Variants in SMOC1 observed in about 807,000 individuals in gnomAD.
The protein encoded by SMOC1 is SPARC-related modular calcium-binding protein 1.
SMOC1 carries 22 observed loss-of-function variants against 56.3 expected under a neutral mutation model. That is an observed-to-expected ratio of 0.39 (90% CI 0.28 to 0.56). The LOEUF (loss-of-function observed/expected upper bound fraction) is 0.56, where lower values mean the gene tolerates loss of function less well. Among genes scored for constraint, SMOC1 ranks in the 20% least tolerant of loss-of-function variants. The pLI is 0.61. For missense variants in SMOC1, 509 were observed against 565.4 expected, an observed-to-expected ratio of 0.90 and a Z score of 1.01; for synonymous variants, 193 against 215.0, an observed-to-expected ratio of 0.90 and a Z score of 0.89.
intron 1 of SMOC1, among the ~76,000 whole-genome samples, chr14:69,886,683 C>T (rs1883818941): frequency 6.6e-6 from 1 of 152,126 alleles, no homozygotes; most frequent in South Asian, 2.1e-4. Flanking sequence ...TTTGACTAGC[C>T]CATCCCAGCA....
chr14:69,992,380 G>A (rs375535414), intron 5 of SMOC1, 37 bp from the exon 6 acceptor site: 1 of 1,610,948 alleles, frequency 6.2e-7, no homozygotes, highest in African/African-American at 1.3e-5. Context: ...CTCAATAATG[G>A]TAGTCTCCTT....
intron 5 of SMOC1, among the ~76,000 whole-genome samples, chr14:69,988,787 T>C (rs1337704354): frequency 6.6e-6 from 1 of 152,250 alleles, no homozygotes; most frequent in African/African-American, 2.4e-5. Context: ...TTCATATAGA[T>C]GGAATCATAC....
chr14:69,899,649 G>C (rs902669054), intron 1 of SMOC1, among the ~76,000 whole-genome samples: 1 of 152,176 alleles, frequency 6.6e-6, no homozygotes, highest in African/African-American at 2.4e-5. Context: ...AAATGGCAAG[G>C]AGATTTTTCT....
intron 1 of SMOC1, among the ~76,000 whole-genome samples, chr14:69,938,040 C>A (rs182283204): frequency 6.6e-6 from 1 of 152,152 alleles, no homozygotes; most frequent in Admixed American, 6.5e-5. Context: ...AGCATTTCTT[C>A]CTCTGTTATC....
At chr14:69,941,769 T>G (rs1033595546) in intron 1 of SMOC1, among the ~76,000 whole-genome samples, 3 of 152,364 alleles carry the variant, frequency 2.0e-5, no homozygotes, top group African/African-American at 7.2e-5. Flanking sequence ...GAAATTACTT[T>G]GCTTGTGTAC....
chr14:69,976,017 A>G (rs992064785), intron 4 of SMOC1, among the ~76,000 whole-genome samples: 1 of 152,174 alleles, frequency 6.6e-6, no homozygotes, highest in Non-Finnish European at 1.5e-5. Flanking sequence ...GTGTGTATTT[A>G]TGGATTTTGA....
intron 3 of SMOC1, among the ~76,000 whole-genome samples, chr14:69,964,529 C>G (rs950371286): frequency 2.0e-5 from 3 of 152,046 alleles, no homozygotes; most frequent in Non-Finnish European, 4.4e-5. Context: ...AGGTGCCCAC[C>G]ACCACGCCCG....
chr14:69,906,815 GC>G (rs1566668560), intron 1 of SMOC1, among the ~76,000 whole-genome samples: 1 of 152,176 alleles, frequency 6.6e-6, no homozygotes, highest in Non-Finnish European at 1.5e-5. Flanking sequence ...CATCATGAAG[GC>G]CAAAGATTGC....
At chr14:69,987,032 C>T (rs192733646) in intron 5 of SMOC1, among the ~76,000 whole-genome samples, 1 of 152,282 alleles carries the variant, frequency 6.6e-6, no homozygotes, top group Admixed American at 6.5e-5. Flanking sequence ...AGGGCAGGCT[C>T]TTAAGGGACT....
In SMOC1 at chr14:70,009,101, G is replaced by A. The variant is rs139351636; in HGVS notation, c.665-1653G>A. Among the ~76,000 whole-genome samples the A allele has an allele frequency of 9.9e-5, 15 of 152,264 alleles. 1 individual carries two copies. In the East Asian group the frequency reaches 2.9e-3, roughly 29 times the overall value. ...CTCTTCCTCTAGCCAAGGAGACTCT[G>A]TTTAGCTTTTCTATATTTGCATTAT... On this transcript the variant is annotated intron_variant, in intron 7 of 11. Transcript: ENST00000361956.
intron 11 of SMOC1, among the ~76,000 whole-genome samples, chr14:70,024,623 T>C (rs1445405955): frequency 6.6e-6 from 1 of 151,630 alleles, no homozygotes. Flanking sequence ...CCAAGGCAAA[T>C]GAGGAGTGAA....
chr14:69,930,437 C>T (rs1223993547), intron 1 of SMOC1, among the ~76,000 whole-genome samples: 1 of 152,176 alleles, frequency 6.6e-6, no homozygotes. Context: ...TTTTGTGCAA[C>T]ATTATGTTTA....
chr14:69,934,063 T>C (rs528789257), intron 1 of SMOC1, among the ~76,000 whole-genome samples: 1 of 152,316 alleles, frequency 6.6e-6, no homozygotes, highest in African/African-American at 2.4e-5. Flanking sequence ...TTCCCTGCCT[T>C]AACAGATGAG....
chr14:70,030,903 G>T lies in SMOC1; in HGVS notation c.*645G>T, dbSNP rs1045715506. 6.6e-6 allele frequency: 1 copy of T among 152,302 alleles called. No homozygotes were observed. The highest frequency in any genetic ancestry group is 6.5e-5 in the Admixed American group (1 of 15,280). 9.4% of individuals were successfully genotyped at this position (152,302 alleles called of 1,614,324 possible). On this transcript the variant is annotated 3_prime_UTR_variant, in exon 12 of 12. Transcript: ENST00000361956. ...GTCACTTGGCTCTCGGCCTTGTCCA[G>T]GGAGGTTGGGCTAAGGAGAGATGGA...
In SMOC1 at chr14:70,005,794, AT is replaced by A. The variant is rs746077514; in HGVS notation, c.665-4957del. On this transcript the variant is annotated intron_variant, in intron 7 of 11. Transcript: ENST00000361956. Reference sequence around the variant, plus strand: ...TGTGAGTGTGTATGTGTGGCCATGCATTTCCATGCCCCCCTGGACAGCCCTG... The same window carrying A: ...TGTGAGTGTGTATGTGTGGCCATGCATTCCATGCCCCCCTGGACAGCCCTG... Among the ~76,000 whole-genome samples, 5 of 152,172 alleles carry A rather than the reference AT, an allele frequency of 3.3e-5. No homozygotes were observed. In the East Asian group the frequency reaches 9.7e-4, roughly 29 times the overall value.
At chr14:69,972,825 A>G (rs1048853019) in intron 3 of SMOC1, among the ~76,000 whole-genome samples, 3 of 152,206 alleles carry the variant, frequency 2.0e-5, no homozygotes, top group African/African-American at 7.2e-5. Flanking sequence ...CACTCTGTGC[A>G]TGCTTGAGAG....
chr14:69,952,918 G>A (rs958967148), intron 2 of SMOC1, among the ~76,000 whole-genome samples: 4 of 152,090 alleles, frequency 2.6e-5, no homozygotes, highest in African/African-American at 7.2e-5. Context: ...TCTCATATCC[G>A]GCTGGTTTCT....
chr14:69,931,892 T>C (rs1885174290), intron 1 of SMOC1, among the ~76,000 whole-genome samples: 1 of 152,266 alleles, frequency 6.6e-6, no homozygotes. Context: ...CTGAGGGCTT[T>C]CTTCACTTTT....
chr14:69,892,454 C>G (rs1036452755), intron 1 of SMOC1, among the ~76,000 whole-genome samples: 1 of 152,172 alleles, frequency 6.6e-6, no homozygotes, highest in Non-Finnish European at 1.5e-5. Context: ...CAAGCTGTAT[C>G]GGAAATGACA....
Sources: gnomAD v4.1 joint callset for allele counts (sites outside exome capture counted in the v4.1 genomes callset) on GRCh38, gnomAD v4.1.1 for gene constraint, MANE v1.5 for transcripts, NCBI Gene and HGNC (gene_info 2026-07-23, HGNC 2026-07-21) for gene names.